The following GABRA3 variants were observed in gnomAD, a reference collection of about 807,000 sequenced individuals.
The protein encoded by GABRA3 is gamma-aminobutyric acid type A receptor subunit alpha3.
Under a neutral mutation model 30.1 loss-of-function variants are expected in GABRA3, and 10 were observed. The observed-to-expected ratio is 0.33, with a 90% CI of 0.20 to 0.56. The LOEUF (loss-of-function observed/expected upper bound fraction) is 0.56, where lower values mean the gene tolerates loss of function less well. Ranked by LOEUF, GABRA3 falls within the 20% of genes least tolerant of loss-of-function variation. The pLI is 0.89. For synonymous variants in GABRA3, 151 were observed against 146.8 expected (o/e 1.03, Z -0.21); for missense variants, 233 against 392.0 (o/e 0.59, Z 3.42).
At chrX:152,364,208 G>C (rs1243297118) in intron 2 of GABRA3, among the ~76,000 whole-genome samples, 3 of 111,326 alleles carry the variant, frequency 2.7e-5, no homozygotes, top group Non-Finnish European at 5.7e-5. Flanking sequence ...ATATTACAGA[G>C]GTGATTCAAG....
intron 3 of GABRA3, among the ~76,000 whole-genome samples, chrX:152,297,096 C>A (rs997664335): frequency 9.0e-6 from 1 of 111,713 alleles, no homozygotes; most frequent in Non-Finnish European, 1.9e-5. Flanking sequence ...TTTAAGAGAT[C>A]ACAATCACCA....
chrX:152,219,015 T>C lies in GABRA3; in HGVS notation c.634+5748A>G, dbSNP rs764853866. ...TAATAATTTAAATCACTCTCCTTCTTGATGTACTTTATTTGGCCTCCAGGA... is the reference window on the plus strand; with the variant it reads ...TAATAATTTAAATCACTCTCCTTCTCGATGTACTTTATTTGGCCTCCAGGA... On this transcript the variant is annotated intron_variant, in intron 6 of 9. Transcript: ENST00000370314. 2.7e-5 allele frequency among the ~76,000 whole-genome samples: 3 copies of C among 111,419 alleles called. No individual in the cohort carries two copies. In the South Asian group the frequency reaches 1.1e-3, roughly 42 times the overall value.
chrX:152,327,261 A>C (rs1044901820), intron 3 of GABRA3, among the ~76,000 whole-genome samples: 11 of 111,114 alleles, frequency 9.9e-5, no homozygotes, highest in Non-Finnish European at 1.9e-4. Context: ...GGGAGACTTT[A>C]ACACCCCACT....
intron 2 of GABRA3, among the ~76,000 whole-genome samples, chrX:152,360,634 A>G (rs1277433840): frequency 4.0e-4 from 33 of 83,369 alleles, no homozygotes; most frequent in Admixed American, 3.6e-3. Flanking sequence ...CCAGCATGGC[A>G]CATGTATACA....
intron 3 of GABRA3, among the ~76,000 whole-genome samples, chrX:152,314,103 G>C (rs1939837296): frequency 9.0e-6 from 1 of 111,511 alleles, no homozygotes; most frequent in Non-Finnish European, 1.9e-5. Context: ...CCACATCCAA[G>C]CACACCAGGA....
intron 1 of GABRA3, among the ~76,000 whole-genome samples, chrX:152,435,017 C>T (rs1251606873): frequency 9.0e-6 from 1 of 111,516 alleles, no homozygotes; most frequent in Non-Finnish European, 1.9e-5. Context: ...ATTCAACATT[C>T]TACTAGAGGT....
intron 3 of GABRA3, among the ~76,000 whole-genome samples, chrX:152,340,788 G>C (rs1940302646): frequency 9.0e-6 from 1 of 110,741 alleles, no homozygotes; most frequent in Admixed American, 9.6e-5. Context: ...CCTTTCTCTT[G>C]GTGTAATTTT....
intron 9 of GABRA3, among the ~76,000 whole-genome samples, chrX:152,177,400 T>C (rs1262190199): frequency 1.8e-5 from 2 of 110,935 alleles, no homozygotes; most frequent in African/African-American, 6.6e-5. Flanking sequence ...TAAATAACCA[T>C]AGAGAAAACT....
At chrX:152,254,942 G>T (rs1223119866) in intron 5 of GABRA3, among the ~76,000 whole-genome samples, 1 of 111,580 alleles carries the variant, frequency 9.0e-6, no homozygotes, top group Non-Finnish European at 1.9e-5. Flanking sequence ...TTTCAGTATT[G>T]GGGAAAGAAT....
chrX:152,234,658 G>T (rs1252414856), intron 5 of GABRA3, among the ~76,000 whole-genome samples: 1 of 111,431 alleles, frequency 9.0e-6, no homozygotes, highest in Non-Finnish European at 1.9e-5. Flanking sequence ...TATGGTAAAA[G>T]ATAGAGGTCC....
At chrX:152,390,700 A>G (rs932249857) in intron 1 of GABRA3, among the ~76,000 whole-genome samples, 2 of 112,146 alleles carry the variant, frequency 1.8e-5, no homozygotes, top group Non-Finnish European at 1.9e-5. Context: ...TAATCCCAGA[A>G]CATAGGCTGC....
intron 3 of GABRA3, among the ~76,000 whole-genome samples, chrX:152,292,247 G>C (rs1436507819): frequency 9.0e-6 from 1 of 111,545 alleles, no homozygotes; most frequent in East Asian, 2.8e-4. Context: ...AGTCTTGGGA[G>C]GGTGTATGTG....
At chrX:152,183,157 C>T (rs1937207991) in intron 9 of GABRA3, among the ~76,000 whole-genome samples, 2 of 109,292 alleles carry the variant, frequency 1.8e-5, no homozygotes, top group Admixed American at 2.0e-4. Context: ...TTTAAGTGCT[C>T]GGTAGAATTC....
At chrX:152,295,218 T>A (rs1162801389) in intron 3 of GABRA3, among the ~76,000 whole-genome samples, 1 of 112,421 alleles carries the variant, frequency 8.9e-6, no homozygotes, top group African/African-American at 3.2e-5. Context: ...GGAGAACCAC[T>A]GCTCTCTTCA....
At position 152,267,557 on chromosome X, in the gene GABRA3, G is replaced by A. The variant is rs148549428; in HGVS notation, c.331-11559C>T. Among the ~76,000 whole-genome samples the A allele has an allele frequency of 4.4e-3, 485 of 111,085 alleles. 3 individuals are homozygous for A. Among genetic ancestry groups the A allele is most frequent in the African/African-American group, 0.015 (462 of 30,643 alleles). The stretch of plus-strand genomic sequence containing the variant: ...TTTGGACATATTCCCATCTCTTTAA[G>A]TTTTTGAAGAGTTTGAGTGAATTGG... On this transcript the variant is annotated intron_variant, in intron 4 of 9. Transcript: ENST00000370314.
At chrX:152,288,840 G>A (rs1939343239) in intron 3 of GABRA3, among the ~76,000 whole-genome samples, 1 of 112,041 alleles carries the variant, frequency 8.9e-6, no homozygotes, top group African/African-American at 3.2e-5. Flanking sequence ...ATTGTTTACA[G>A]TTGCTGCTTG....
At chrX:152,292,634 T>C (rs1434324330) in intron 3 of GABRA3, among the ~76,000 whole-genome samples, 2 of 111,873 alleles carry the variant, frequency 1.8e-5, no homozygotes, top group Non-Finnish European at 3.8e-5. Context: ...CTTTTAATTA[T>C]GATGCTAGGG....
At chrX:152,285,298 T>C (rs966137503) in intron 3 of GABRA3, among the ~76,000 whole-genome samples, 3 of 112,222 alleles carry the variant, frequency 2.7e-5, no homozygotes, top group Non-Finnish European at 5.6e-5. Context: ...TGAGCTAATA[T>C]ATGGAGGAGC....
At chrX:152,189,594 G>C in intron 9 of GABRA3, 136 bp downstream of exon 9, 1 of 460,496 alleles carries the variant, frequency 2.2e-6, no homozygotes, top group Non-Finnish European at 3.7e-6. Flanking sequence ...AAGCACTCCA[G>C]TTGAGAACTG....
Sources: gnomAD v4.1 joint callset for allele counts (sites outside exome capture counted in the v4.1 genomes callset) on GRCh38, gnomAD v4.1.1 for gene constraint, MANE v1.5 for transcripts, NCBI Gene and HGNC (gene_info 2026-07-23, HGNC 2026-07-21) for gene names.